The following PLD5 variants were observed in gnomAD, a reference collection of about 807,000 sequenced individuals.
The protein encoded by PLD5 is inactive phospholipase D5.
PLD5 carries 36 observed loss-of-function variants against 61.1 expected under a neutral mutation model. The observed-to-expected ratio is 0.59, with a 90% CI of 0.45 to 0.78. The LOEUF is 0.78. Ranked by LOEUF, PLD5 falls within the 30% of genes least tolerant of loss-of-function variation. The pLI is 0.00. For synonymous variants in PLD5, 243 were observed against 242.8 expected (o/e 1.00, Z -0.01); for missense variants, 515 against 644.4 (o/e 0.80, Z 2.17).
chr1:242,144,907 T>A (rs868450542), intron 5 of PLD5, among the ~76,000 whole-genome samples: 1 of 152,238 alleles, frequency 6.6e-6, no homozygotes, highest in African/African-American at 2.4e-5. Flanking sequence ...TGTAGTACAT[T>A]TGGGAACTCT....
chr1:242,207,534 A>G (rs1669398184), intron 5 of PLD5, among the ~76,000 whole-genome samples: 1 of 151,788 alleles, frequency 6.6e-6, no homozygotes, highest in East Asian at 1.9e-4. Context: ...CAGATCTTCC[A>G]ACACCCCATG....
In PLD5 at chr1:242,395,081, GTATA is replaced by G. The variant is rs1198148984; in HGVS notation, c.190-46843_190-46840del. Among the ~76,000 whole-genome samples, 145 of 108,494 alleles carry G rather than the reference GTATA, an allele frequency of 1.3e-3. 2 individuals are homozygous for G. The highest frequency in any genetic ancestry group is 2.7e-3 in the Admixed American group (25 of 9,328). The allele number at this position is 108,494 out of a possible 152,430, so 71.2% of individuals were successfully genotyped here. Reference sequence around the variant, plus strand: ...TATATGTATATATATGAATATATATGTATATATATGAATATATATGTATGTATAT... The same window carrying G: ...TATATGTATATATATGAATATATATGTATATGAATATATATGTATGTATAT... On this transcript the variant is annotated intron_variant, in intron 1 of 9. Coordinates refer to ENST00000536534, the MANE Select transcript of PLD5 (RefSeq NM_001372062.1).
At chr1:242,107,082 G>A (rs1451865685) in intron 8 of PLD5, among the ~76,000 whole-genome samples, 1 of 152,146 alleles carries the variant, frequency 6.6e-6, no homozygotes, top group Non-Finnish European at 1.5e-5. Context: ...CCCAGACGAC[G>A]AGGCATCTGG....
intron 1 of PLD5, among the ~76,000 whole-genome samples, chr1:242,460,392 A>G (rs561945595): frequency 6.6e-6 from 1 of 152,298 alleles, no homozygotes; most frequent in Non-Finnish European, 1.5e-5. Context: ...CCACCTAGGA[A>G]CAAAGAGAGA....
At chr1:242,502,740 G>A (rs1454038345) in intron 1 of PLD5, among the ~76,000 whole-genome samples, 1 of 152,050 alleles carries the variant, frequency 6.6e-6, no homozygotes, top group African/African-American at 2.4e-5. Context: ...AATTTAAGAT[G>A]GAGAAGATAG....
At chr1:242,230,812 T>C (rs1377690955) in intron 4 of PLD5, among the ~76,000 whole-genome samples, 1 of 152,250 alleles carries the variant, frequency 6.6e-6, no homozygotes, top group African/African-American at 2.4e-5. Context: ...CACAGGTTGC[T>C]TTGATGCTTC....
chr1:242,456,293 G>A (rs577017634), intron 1 of PLD5, among the ~76,000 whole-genome samples: 3 of 152,222 alleles, frequency 2.0e-5, no homozygotes, highest in Non-Finnish European at 2.9e-5. Context: ...TACAGGTGAC[G>A]ATTTACAAAG....
At chr1:242,481,666 G>C (rs190075976) in intron 1 of PLD5, among the ~76,000 whole-genome samples, 2 of 152,284 alleles carry the variant, frequency 1.3e-5, no homozygotes, top group South Asian at 2.1e-4. Flanking sequence ...CAGCAGAAAC[G>C]TCTGCAGACT....
At chr1:242,357,529 A>G (rs1571967136) in intron 1 of PLD5, among the ~76,000 whole-genome samples, 2 of 147,888 alleles carry the variant, frequency 1.4e-5, no homozygotes, top group South Asian at 4.3e-4. Context: ...CTTGTTGCCC[A>G]GGCTGGAGTG....
intron 5 of PLD5, among the ~76,000 whole-genome samples, chr1:242,206,739 A>G (rs528529934): frequency 6.6e-6 from 1 of 152,348 alleles, no homozygotes; most frequent in Admixed American, 6.5e-5. Context: ...CACATTGAAT[A>G]AGCTCAGGAG....
intron 5 of PLD5, among the ~76,000 whole-genome samples, chr1:242,194,618 G>GTATCTATCTATCTATCTATC (rs547535096): frequency 3.1e-4 from 32 of 102,944 alleles, no homozygotes; most frequent in Non-Finnish European, 4.9e-4. Context: ...ATCTATCTAT[G>GTATCTATCTATCTATCTATC]TATCTATCTA....
At chr1:242,513,070 G>A (rs1305132898) in intron 1 of PLD5, among the ~76,000 whole-genome samples, 1 of 151,972 alleles carries the variant, frequency 6.6e-6, no homozygotes, top group East Asian at 1.9e-4. Flanking sequence ...TGTAGAGACA[G>A]GATCTCACTA....
chr1:242,328,296 T>A (rs1658929004), intron 2 of PLD5, among the ~76,000 whole-genome samples: 1 of 3,696 alleles, frequency 2.7e-4, no homozygotes, highest in Admixed American at 5.4e-3. Context: ...TATGTATGTA[T>A]GTTCTACATA....
chr1:242,177,628 G>A (rs928707095), intron 5 of PLD5: 1 of 152,194 alleles, frequency 6.6e-6, no homozygotes, highest in Non-Finnish European at 1.5e-5. Flanking sequence ...TTTTAAATTA[G>A]AGCAGGTCAA....
chr1:242,297,375 T>TC (rs1450974216), intron 2 of PLD5, among the ~76,000 whole-genome samples: 5 of 134,762 alleles, frequency 3.7e-5, no homozygotes, highest in African/African-American at 1.4e-4. Context: ...AAGGAAAGCT[T>TC]CCCCCCTTTT....
intron 1 of PLD5, among the ~76,000 whole-genome samples, chr1:242,370,706 A>G (rs917679431): frequency 6.6e-6 from 1 of 152,188 alleles, no homozygotes; most frequent in Non-Finnish European, 1.5e-5. Flanking sequence ...ACACACTGTC[A>G]ATGTCAATAG....
chr1:242,275,536 T>C (rs1398554928), intron 3 of PLD5, among the ~76,000 whole-genome samples: 1 of 152,214 alleles, frequency 6.6e-6, no homozygotes. Flanking sequence ...GGCCAATTCA[T>C]TCAAAGCATT....
intron 4 of PLD5, among the ~76,000 whole-genome samples, chr1:242,262,620 T>C (rs918035080): frequency 4.6e-5 from 7 of 152,042 alleles, no homozygotes; most frequent in Non-Finnish European, 1.0e-4. Context: ...AAGGCAGGTA[T>C]GTGAGGAGGA....
chr1:242,481,175 C>A (rs968605155), intron 1 of PLD5, among the ~76,000 whole-genome samples: 7 of 152,160 alleles, frequency 4.6e-5, no homozygotes, highest in Non-Finnish European at 1.0e-4. Context: ...AACTGAGGTA[C>A]CAGGTTCATC....
Sources: allele counts gnomAD v4.1 joint callset (sites outside exome capture counted in the v4.1 genomes callset), GRCh38; gene constraint gnomAD v4.1.1; transcripts MANE v1.5; gene names NCBI Gene and HGNC (gene_info 2026-07-23, HGNC 2026-07-21).